The following CHCHD3 variants were observed in gnomAD, a reference collection of about 807,000 sequenced individuals.
The protein encoded by CHCHD3 is coiled-coil-helix-coiled-coil-helix domain containing 3, also known as MICOS complex subunit MIC19.
A neutral mutation model predicts 38.2 loss-of-function variants in CHCHD3; 20 were observed. The ratio of observed to expected loss-of-function variants is 0.52; its 90% CI spans 0.37 to 0.76. CHCHD3 has a LOEUF of 0.76. Ranked by LOEUF, CHCHD3 falls within the 30% of genes least tolerant of loss-of-function variation. CHCHD3 has a pLI of 0.00. For missense variants in CHCHD3, 245 were observed against 279.2 expected (o/e 0.88, Z 0.87); for synonymous variants, 82 against 100.0 (o/e 0.82, Z 1.07).
intron 5 of CHCHD3, among the ~76,000 whole-genome samples, chr7:132,842,681 G>A (rs74948869): frequency 0.021 from 3,144 of 152,250 alleles, 74 homozygotes; most frequent in South Asian, 0.1. Context: ...AGAGTGACTC[G>A]TGATTTGGGC....
chr7:133,029,093 C>T (rs1460030252), intron 2 of CHCHD3, among the ~76,000 whole-genome samples: 10 of 151,918 alleles, frequency 6.6e-5, no homozygotes, highest in Admixed American at 6.6e-4. Flanking sequence ...TATAAATTAC[C>T]CAGTTTTACG....
At chr7:132,941,798 T>C (rs1015265204) in intron 4 of CHCHD3, among the ~76,000 whole-genome samples, 2 of 152,144 alleles carry the variant, frequency 1.3e-5, no homozygotes, top group Non-Finnish European at 2.9e-5. Flanking sequence ...CAACAACAGC[T>C]CTTGGGTTCC....
At chr7:132,897,110 C>T (rs2117194599) in intron 4 of CHCHD3, among the ~76,000 whole-genome samples, 1 of 152,278 alleles carries the variant, frequency 6.6e-6, no homozygotes, top group Non-Finnish European at 1.5e-5. Context: ...ACTTAAGGTG[C>T]AATTATACTC....
At chr7:132,955,173 G>GGTGTGTGCGTGTGTGT in intron 4 of CHCHD3, among the ~76,000 whole-genome samples, 1 of 126,288 alleles carries the variant, frequency 7.9e-6, no homozygotes, top group Admixed American at 8.6e-5. Context: ...TCCCTCAGAG[G>GGTGTGTGCGTGTGTGT]GTGTGTGTGT....
At chr7:133,006,873 T>C (rs375124597) in intron 3 of CHCHD3, among the ~76,000 whole-genome samples, 1 of 152,302 alleles carries the variant, frequency 6.6e-6, no homozygotes, top group South Asian at 2.1e-4. Flanking sequence ...TATTTATATA[T>C]GTACTGACAA....
At chr7:133,015,168 C>T (rs1812993753) in intron 3 of CHCHD3, among the ~76,000 whole-genome samples, 1 of 151,938 alleles carries the variant, frequency 6.6e-6, no homozygotes, top group African/African-American at 2.4e-5. Flanking sequence ...ATGGCGAAAC[C>T]CTGTCTCTAT....
At position 133,034,508 on chromosome 7, in the gene CHCHD3, C is replaced by CTTTTTTTTT. The variant is rs146912120; in HGVS notation, c.170-9890_170-9882dup. ...AGTCCTTTCAGCAATTGGATCCAGTCTTTTTTTTTTTTTTTTTTTTTTCAA... is the reference window on the plus strand; with the variant it reads ...AGTCCTTTCAGCAATTGGATCCAGTCTTTTTTTTTTTTTTTTTTTTTTTTTTTTTTTCAA... On this transcript the variant is annotated intron_variant, in intron 2 of 7. Transcript: ENST00000262570. 41 of 285,172 alleles carry CTTTTTTTTT rather than the reference C, an allele frequency of 1.4e-4. 1 individual carries two copies. Among genetic ancestry groups the CTTTTTTTTT allele is most frequent in the Non-Finnish European group, 1.6e-4 (27 of 167,144 alleles). 17.7% of individuals were successfully genotyped at this position (285,172 alleles called of 1,614,324 possible).
At chr7:133,026,042 C>A (rs763995357) in intron 2 of CHCHD3, among the ~76,000 whole-genome samples, 52 of 152,132 alleles carry the variant, frequency 3.4e-4, no homozygotes, top group Non-Finnish European at 6.2e-4. Flanking sequence ...CAGACTGCAA[C>A]AGCAGCATCC....
intron 2 of CHCHD3, among the ~76,000 whole-genome samples, chr7:133,049,056 C>T (rs957859315): frequency 6.6e-6 from 1 of 152,118 alleles, no homozygotes; most frequent in Admixed American, 6.5e-5. Context: ...ATAAAAAATC[C>T]GCGTATACCC....
intron 5 of CHCHD3, among the ~76,000 whole-genome samples, chr7:132,861,392 C>G (rs961799638): frequency 6.6e-6 from 1 of 152,186 alleles, no homozygotes; most frequent in African/African-American, 2.4e-5. Context: ...TTTCATCACA[C>G]TTTTCATGAT....
chr7:133,053,373 C>T (rs1814224942), intron 2 of CHCHD3, among the ~76,000 whole-genome samples: 1 of 152,194 alleles, frequency 6.6e-6, no homozygotes, highest in African/African-American at 2.4e-5. Flanking sequence ...GAGAATCTCC[C>T]ACCAAATCCT....
intron 6 of CHCHD3, among the ~76,000 whole-genome samples, chr7:132,817,188 G>A (rs1807221901): frequency 6.6e-6 from 1 of 151,914 alleles, no homozygotes; most frequent in Admixed American, 6.6e-5. Flanking sequence ...TAATTTTCCT[G>A]GGGTCCCAAG....
chr7:132,942,228 G>A (rs1380508341), intron 4 of CHCHD3, among the ~76,000 whole-genome samples: 1 of 152,132 alleles, frequency 6.6e-6, no homozygotes, highest in African/African-American at 2.4e-5. Context: ...GGGGAATACT[G>A]TTACAGTCAC....
intron 4 of CHCHD3, chr7:132,972,692 C>G: frequency 2.0e-6 from 2 of 985,416 alleles, no homozygotes; most frequent in South Asian, 4.7e-5. Flanking sequence ...GGAAGGGACT[C>G]TCTCAATCAG....
intron 5 of CHCHD3, among the ~76,000 whole-genome samples, chr7:132,882,966 C>T (rs1389089913): frequency 1.3e-5 from 2 of 151,998 alleles, no homozygotes; most frequent in Non-Finnish European, 1.5e-5. Flanking sequence ...GTGTGGTTTC[C>T]CCAGGCTGTT....
chr7:132,907,169 T>C, intron 4 of CHCHD3, among the ~76,000 whole-genome samples: 1 of 152,232 alleles, frequency 6.6e-6, no homozygotes. Context: ...CCTCAGTCAC[T>C]GAACAAGACA....
chr7:132,969,018 ATTC>A (rs1212673170), intron 4 of CHCHD3, among the ~76,000 whole-genome samples: 4 of 152,194 alleles, frequency 2.6e-5, no homozygotes, highest in East Asian at 1.9e-4. Flanking sequence ...AAATTAATCA[ATTC>A]TTCTTCTTGA....
intron 6 of CHCHD3, among the ~76,000 whole-genome samples, chr7:132,801,485 T>G (rs1806792857): frequency 6.6e-6 from 1 of 152,212 alleles, no homozygotes; most frequent in South Asian, 2.1e-4. Flanking sequence ...TCATATACAA[T>G]TTGAGATGCT....
chr7:132,900,863 C>T (rs1416610888), intron 4 of CHCHD3, among the ~76,000 whole-genome samples: 1 of 152,042 alleles, frequency 6.6e-6, no homozygotes, highest in Non-Finnish European at 1.5e-5. Context: ...TGGTGGTGGG[C>T]ACCTGTGGTC....
Sources: gnomAD v4.1 joint callset for allele counts (sites outside exome capture counted in the v4.1 genomes callset) on GRCh38, gnomAD v4.1.1 for gene constraint, MANE v1.5 for transcripts, NCBI Gene and HGNC (gene_info 2026-07-23, HGNC 2026-07-21) for gene names.